Variants in PPP2R2B observed in about 807,000 individuals in gnomAD.
PPP2R2B encodes protein phosphatase 2 regulatory subunit Bbeta, also known as serine/threonine-protein phosphatase 2A 55 kDa regulatory subunit B beta isoform.
A neutral mutation model predicts 46.0 loss-of-function variants in PPP2R2B; 5 were observed. The ratio of observed to expected loss-of-function variants is 0.11; its 90% CI spans 0.06 to 0.23. The LOEUF (loss-of-function observed/expected upper bound fraction) is 0.23. PPP2R2B is among the 10% of genes least tolerant of loss of function. The probability of loss-of-function intolerance (pLI) is 1.00; values close to 1 mark genes in which losing one functional copy is unlikely to be tolerated. For synonymous variants in PPP2R2B, 215 were observed against 206.7 expected (o/e 1.04, Z -0.34); for missense variants, 367 against 575.0 (o/e 0.64, Z 3.70).
chr5:146,946,179 T>G (rs527946694), intron 1 of PPP2R2B, among the ~76,000 whole-genome samples: 6 of 152,136 alleles, frequency 3.9e-5, no homozygotes, highest in Non-Finnish European at 7.4e-5. Flanking sequence ...TACAATTAGC[T>G]AGTAGCGAGT....
At chr5:146,962,527 C>T (rs1251125232) in intron 1 of PPP2R2B, among the ~76,000 whole-genome samples, 1 of 151,792 alleles carries the variant, frequency 6.6e-6, no homozygotes, top group Non-Finnish European at 1.5e-5. Flanking sequence ...CGTGGTGGCA[C>T]ACACCTGTAA....
chr5:146,955,452 T>A (rs1443006936), intron 1 of PPP2R2B, among the ~76,000 whole-genome samples: 1 of 152,218 alleles, frequency 6.6e-6, no homozygotes, highest in African/African-American at 2.4e-5. Flanking sequence ...TTTTAAATTG[T>A]TCTGTAATGA....
intron 2 of PPP2R2B, among the ~76,000 whole-genome samples, chr5:146,828,385 A>G (rs193258732): frequency 6.6e-6 from 1 of 151,480 alleles, no homozygotes; most frequent in East Asian, 1.9e-4. Context: ...GAGATCTACA[A>G]ACTAGAATCA....
chr5:147,018,848 T>C (rs1432732709), intron 1 of PPP2R2B, among the ~76,000 whole-genome samples: 1 of 152,144 alleles, frequency 6.6e-6, no homozygotes, highest in Non-Finnish European at 1.5e-5. Context: ...GGTAAAAACA[T>C]GTAAAGACAG....
chr5:146,862,095 T>C (rs1348014039), intron 2 of PPP2R2B, among the ~76,000 whole-genome samples: 21 of 152,192 alleles, frequency 1.4e-4, no homozygotes, highest in Non-Finnish European at 2.9e-5. Flanking sequence ...AGTTTCCAAG[T>C]GATTGCAGAA....
At chr5:146,783,355 C>T (rs773721535) in intron 2 of PPP2R2B, among the ~76,000 whole-genome samples, 10 of 152,064 alleles carry the variant, frequency 6.6e-5, no homozygotes, top group Non-Finnish European at 1.0e-4. Context: ...ATAGCATAAG[C>T]CCTGATTTCA....
At chr5:146,786,821 G>T (rs531857457) in intron 2 of PPP2R2B, among the ~76,000 whole-genome samples, 1 of 152,244 alleles carries the variant, frequency 6.6e-6, no homozygotes, top group South Asian at 2.1e-4. Flanking sequence ...AGATGAAGTT[G>T]CCTGAAAGCA....
chr5:147,054,937 C>T (rs1418205445), intron 1 of PPP2R2B, among the ~76,000 whole-genome samples: 1 of 152,162 alleles, frequency 6.6e-6, no homozygotes, highest in Admixed American at 6.6e-5. Flanking sequence ...ATGTGGAATT[C>T]TGCAGTGCTT....
intron 2 of PPP2R2B, among the ~76,000 whole-genome samples, chr5:146,764,916 A>G (rs1219575766): frequency 6.6e-6 from 1 of 152,178 alleles, no homozygotes; most frequent in African/African-American, 2.4e-5. Flanking sequence ...CAAAATATTA[A>G]GCTACTTGAA....
chr5:146,733,705 A>C (rs1752364391), intron 2 of PPP2R2B, among the ~76,000 whole-genome samples: 1 of 152,068 alleles, frequency 6.6e-6, no homozygotes, highest in Non-Finnish European at 1.5e-5. Context: ...AAAACCACAC[A>C]CAGACACACA....
intron 1 of PPP2R2B, among the ~76,000 whole-genome samples, chr5:147,030,072 T>C (rs1755709576): frequency 6.6e-6 from 1 of 152,242 alleles, no homozygotes; most frequent in South Asian, 2.1e-4. Context: ...CATGTTGCTG[T>C]ATATCACCTA....
At chr5:147,027,830 A>G (rs1755603530) in intron 1 of PPP2R2B, among the ~76,000 whole-genome samples, 1 of 152,214 alleles carries the variant, frequency 6.6e-6, no homozygotes, top group Non-Finnish European at 1.5e-5. Context: ...ATTATGTCCC[A>G]ACAAAGTTCA....
chr5:147,054,604 A>C (rs889736635), intron 1 of PPP2R2B: 2 of 456,112 alleles, frequency 4.4e-6, no homozygotes, highest in Admixed American at 2.3e-5. Context: ...TTACCTTATG[A>C]TATAATACAA....
At chr5:146,655,904 G>T (rs1257747849) in intron 5 of PPP2R2B, among the ~76,000 whole-genome samples, 2 of 151,878 alleles carry the variant, frequency 1.3e-5, no homozygotes, top group Non-Finnish European at 2.9e-5. Context: ...AAAGAGAGGT[G>T]GGGGGTAGGG....
intron 1 of PPP2R2B, among the ~76,000 whole-genome samples, chr5:146,904,010 G>A (rs1393765934): frequency 6.6e-6 from 1 of 152,096 alleles, no homozygotes; most frequent in Non-Finnish European, 1.5e-5. Flanking sequence ...TCCTGGCTCA[G>A]AGTAATTAGT....
chr5:146,965,041 C>T lies in PPP2R2B; in HGVS notation c.79+90624G>A, dbSNP rs17096628. ...TAAACATATGGAATTGATGGGGCTA[C>T]ACACCAGAACATCATGACAAACTGT... On this transcript the variant is annotated intron_variant, in intron 1 of 8. Transcript: ENST00000336640. Among the ~76,000 whole-genome samples the T allele has an allele frequency of 7.4e-3, 1,129 of 152,240 alleles. 12 individuals carry two copies. The highest frequency in any genetic ancestry group is 0.026 in the African/African-American group (1,079 of 41,544).
intron 2 of PPP2R2B, among the ~76,000 whole-genome samples, chr5:146,731,675 A>G (rs144339614): frequency 2.6e-5 from 4 of 152,324 alleles, no homozygotes; most frequent in Non-Finnish European, 4.4e-5. Flanking sequence ...AAAACAGTGA[A>G]GAAAATCTTT....
At chr5:147,004,077 G>A (rs1392914770) in intron 1 of PPP2R2B, among the ~76,000 whole-genome samples, 2 of 152,102 alleles carry the variant, frequency 1.3e-5, no homozygotes, top group Non-Finnish European at 2.9e-5. Flanking sequence ...ATCGGAGAAA[G>A]GCCACAGCCT....
chr5:146,836,420 G>A (rs771919093), intron 2 of PPP2R2B, among the ~76,000 whole-genome samples: 5 of 152,176 alleles, frequency 3.3e-5, no homozygotes, highest in Non-Finnish European at 7.3e-5. Flanking sequence ...TGTTTAAGGT[G>A]CTGAGTCAGA....
Sources: gnomAD v4.1 joint callset for allele counts (sites outside exome capture counted in the v4.1 genomes callset) on GRCh38, gnomAD v4.1.1 for gene constraint, MANE v1.5 for transcripts, NCBI Gene and HGNC (gene_info 2026-07-23, HGNC 2026-07-21) for gene names.